Variants in NSD1 observed in about 807,000 individuals in gnomAD.
NSD1 encodes the protein nuclear receptor binding SET domain protein 1, also known as histone-lysine N-methyltransferase, H3 lysine-36 specific.
Under a neutral mutation model 242.7 loss-of-function variants are expected in NSD1, and 26 were observed. The observed-to-expected ratio is 0.11, with a 90% confidence interval of 0.08 to 0.15. The LOEUF is 0.15. Among genes scored for constraint, NSD1 ranks in the 10% least tolerant of loss-of-function variants. The pLI, the probability that NSD1 is intolerant of heterozygous loss-of-function variation, is 1.00. For missense variants in NSD1, 2,495 were observed against 3,272.8 expected (o/e 0.76, Z 5.80); for synonymous variants, 1,106 against 1,178.1 (o/e 0.94, Z 1.25).
chr5:177,254,352 T>TA (rs1485672380), intron 12 of NSD1, among the ~76,000 whole-genome samples: 1 of 152,240 alleles, frequency 6.6e-6, no homozygotes, highest in Admixed American at 6.5e-5. Context: ...TTTGCTGTCA[T>TA]AGCTAAGAAG....
intron 21 of NSD1, among the ~76,000 whole-genome samples, chr5:177,290,353 T>C (rs2032772701): frequency 6.6e-6 from 1 of 151,760 alleles, no homozygotes; most frequent in Non-Finnish European, 1.5e-5. Context: ...AAGCTCAACA[T>C]TAAGAACTGA....
chr5:177,162,122 A>C (rs886145341), intron 2 of NSD1, among the ~76,000 whole-genome samples: 9 of 150,920 alleles, frequency 6.0e-5, no homozygotes, highest in African/African-American at 2.2e-4. Context: ...ACATGGGGAA[A>C]CCTCATCTCT....
chr5:177,217,666 CTT>C (rs543853335), intron 5 of NSD1, among the ~76,000 whole-genome samples: 13 of 106,246 alleles, frequency 1.2e-4, no homozygotes, highest in Non-Finnish European at 1.2e-4. Context: ...GCGTCACATT[CTT>C]TTTTTTTTTT....
In NSD1 at chr5:177,280,762, A is replaced by G; in HGVS notation, c.5820A>G (p.Gln1940=). 1 of 1,614,252 alleles carries G rather than the reference A, an allele frequency of 6.2e-7. No homozygotes were observed. The highest frequency in any genetic ancestry group is 8.5e-7 in the Non-Finnish European group (1 of 1,180,044). ...AAAACCAGTGCTTTTCCAAGCGCCA[A>G]TATCCAGAGGTTGAAATTTTCCGCA... ...RCQNQCFSKR[Q]YPEVEIFRTL... The change falls in exon 18 of 23, where the codon CAA becomes CAG. Residue 1940 remains glutamine, a synonymous_variant. Transcript: ENST00000439151.
intron 8 of NSD1, among the ~76,000 whole-genome samples, chr5:177,240,976 G>A (rs927952599): frequency 6.6e-6 from 1 of 152,104 alleles, no homozygotes; most frequent in East Asian, 1.9e-4. Context: ...CTATGATTGC[G>A]CTATTGCACT....
At chr5:177,156,400 C>T (rs984860041) in intron 2 of NSD1, among the ~76,000 whole-genome samples, 1 of 151,924 alleles carries the variant, frequency 6.6e-6, no homozygotes, top group Non-Finnish European at 1.5e-5. Context: ...AGGATGGTCT[C>T]GTTCTTTAGA....
intron 5 of NSD1, among the ~76,000 whole-genome samples, chr5:177,213,843 A>G (rs6556306): frequency 1 from 151,757 of 152,370 alleles, 75,574 homozygotes; most frequent in Middle Eastern, 1. Flanking sequence ...CATACAATAT[A>G]TGGTCCTTTT....
At chr5:177,261,214 C>T (rs1281107526) in intron 14 of NSD1, among the ~76,000 whole-genome samples, 1 of 148,378 alleles carries the variant, frequency 6.7e-6, no homozygotes, top group Non-Finnish European at 1.5e-5. Context: ...GGATTACAGG[C>T]GTTCAACATC....
In NSD1 at chr5:177,134,889, G is replaced by A. The variant is rs555847017; in HGVS notation, c.-17-198G>A. 2.0e-5 allele frequency among the ~76,000 whole-genome samples: 3 copies of A among 152,266 alleles called. No individual in the cohort carries two copies. Among genetic ancestry groups the A allele is most frequent in the African/African-American group, 4.8e-5 (2 of 41,566 alleles). ...CGGGCTGTTTCTATGTAGCAGGATCGGCCCAGCTTCGGGAAAATGGAGTTT... is the reference window on the plus strand; with the variant it reads ...CGGGCTGTTTCTATGTAGCAGGATCAGCCCAGCTTCGGGAAAATGGAGTTT... On this transcript the variant is annotated intron_variant, in intron 1 of 22. Coordinates refer to ENST00000439151, the MANE Select transcript of NSD1 (RefSeq NM_022455.5). The surrounding 1 kb of genome is among the most constrained non-coding windows in gnomAD (Gnocchi z 4.2).
chr5:177,138,241 T>A lies in NSD1; in HGVS notation c.927+2211T>A, dbSNP rs148152233. On this transcript the variant is annotated intron_variant, in intron 2 of 22. Coordinates refer to ENST00000439151, the MANE Select transcript of NSD1 (RefSeq NM_022455.5). ...GAAATTGCTCAAAGACTTTATCACC[T>A]TGAAGAAGCAAGTATGTAGTTTATT... is the stretch of plus-strand genomic sequence containing the variant. 9.2e-5 allele frequency among the ~76,000 whole-genome samples: 14 copies of A among 152,242 alleles called. No homozygotes were observed. In the East Asian group the frequency reaches 1.9e-3, roughly 21 times the overall value.
intron 2 of NSD1, among the ~76,000 whole-genome samples, chr5:177,164,119 C>T (rs930920054): frequency 1.3e-5 from 2 of 151,414 alleles, no homozygotes; most frequent in Admixed American, 6.6e-5. Context: ...GCAAATCTGT[C>T]CCATCCTGTT....
intron 2 of NSD1, among the ~76,000 whole-genome samples, chr5:177,159,031 A>G (rs1303254883): frequency 1.4e-5 from 1 of 73,916 alleles, no homozygotes; most frequent in African/African-American, 6.9e-5. Flanking sequence ...TATATGAATG[A>G]TATATATATA....
chr5:177,242,315 G>A (rs1765935947), intron 8 of NSD1, among the ~76,000 whole-genome samples: 2 of 151,938 alleles, frequency 1.3e-5, no homozygotes, highest in Admixed American at 1.3e-4. Flanking sequence ...TTGTCTAGGA[G>A]TCTCGTTTTG....
Position 177,295,548 on chromosome 5 carries a change from A to G in NSD1, c.*89A>G. ...TTTTCTTTCTTTCCCCCTTAAAAAA[A>G]AACACATCTGCCCCGAACACTTTCC... is the stretch of plus-strand genomic sequence containing the variant. On this transcript the variant is annotated 3_prime_UTR_variant, in exon 23 of 23. Transcript: ENST00000439151. The surrounding 1 kb of genome is among the most constrained non-coding windows in gnomAD (Gnocchi z 4.3). 4 of 1,327,316 alleles carry G rather than the reference A, an allele frequency of 3.0e-6. No individual in the cohort carries two copies. The highest frequency in any genetic ancestry group is 3.2e-6 in the Non-Finnish European group (3 of 942,372). 82.2% of individuals were successfully genotyped at this position (1,327,316 alleles called of 1,614,324 possible). A position where few individuals can be genotyped will look rare whatever the true frequency, so the allele number is the denominator to read the frequency against.
chr5:177,235,387 T>G (rs1765365073), intron 5 of NSD1, among the ~76,000 whole-genome samples: 1 of 152,228 alleles, frequency 6.6e-6, no homozygotes, highest in Non-Finnish European at 1.5e-5. Flanking sequence ...TTACAAAATA[T>G]GAAAAATTCT....
chr5:177,217,311 T>C lies in NSD1; in HGVS notation c.3796+5116T>C, dbSNP rs77593915. Among the ~76,000 whole-genome samples, 345 of 152,290 alleles carry C rather than the reference T, an allele frequency of 2.3e-3. 1 individual carries two copies. Among genetic ancestry groups the C allele is most frequent in the African/African-American group, 8.0e-3 (331 of 41,568 alleles). On this transcript the variant is annotated intron_variant, in intron 5 of 22. Transcript: ENST00000439151. ...TTCCTTTTATATTGTTCATTATGAG[T>C]ATATAGAAATGTTCAGGTTTAATTT... is the stretch of plus-strand genomic sequence containing the variant.
rs188528625 is a variant in NSD1 at position 177,230,161 on chromosome 5, G to A, written c.3797-5660G>A. On this transcript the variant is annotated intron_variant, in intron 5 of 22. Coordinates refer to ENST00000439151, the MANE Select transcript of NSD1 (RefSeq NM_022455.5). ...TTTTTAGACGAAGTCTCACTCGGTC[G>A]CCCTGGCTGGAGTGCAGTGGTGCTG... 6.0e-5 allele frequency among the ~76,000 whole-genome samples: 9 copies of A among 151,094 alleles called. No homozygotes were observed. The South Asian group carries it at 1.1e-3, about 18-fold the overall frequency.
intron 3 of NSD1, among the ~76,000 whole-genome samples, chr5:177,202,176 A>T (rs2149834051): frequency 6.6e-6 from 1 of 152,092 alleles, no homozygotes; most frequent in South Asian, 2.1e-4. Flanking sequence ...CTCAGAAAAA[A>T]AAAAAAAAGT....
chr5:177,271,947 C>A (rs965168664), intron 16 of NSD1, among the ~76,000 whole-genome samples: 1 of 152,022 alleles, frequency 6.6e-6, no homozygotes, highest in Admixed American at 6.6e-5. Flanking sequence ...CACATTGAAA[C>A]CCTGTCTCTA....
Sources: gnomAD v4.1 joint callset for allele counts (sites outside exome capture counted in the v4.1 genomes callset) on GRCh38, gnomAD v4.1.1 for gene constraint, Gnocchi (gnomAD v3.1) non-coding constraint, MANE v1.5 for transcripts, NCBI Gene and HGNC (gene_info 2026-07-23, HGNC 2026-07-21) for gene names.